PODXL: variants seen among roughly 807,000 people sequenced by gnomAD.
The protein encoded by PODXL is podocalyxin.
Under a neutral mutation model 48.9 loss-of-function variants are expected in PODXL, and 20 were observed. The ratio of observed to expected loss-of-function variants is 0.41; its 90% confidence interval spans 0.29 to 0.59. The LOEUF (loss-of-function observed/expected upper bound fraction) is 0.59, where lower values mean the gene tolerates loss of function less well. Ranked by LOEUF, PODXL falls within the 20% of genes least tolerant of loss-of-function variation. The pLI, the probability that PODXL is intolerant of heterozygous loss-of-function variation, is 0.31. For synonymous variants in PODXL, 295 were observed against 287.4 expected (o/e 1.03, Z -0.27); for missense variants, 606 against 675.1 (o/e 0.90, Z 1.13).
At chr7:131,528,860 C>G (rs570093176) in intron 1 of PODXL, among the ~76,000 whole-genome samples, 1 of 152,178 alleles carries the variant, frequency 6.6e-6, no homozygotes, top group South Asian at 2.1e-4. Flanking sequence ...TGGAGAAAGA[C>G]AGAAATAAGG....
Position 131,500,770 on chromosome 7 carries a change from A to G in PODXL, c.*3541T>C, listed in dbSNP as rs1023946841. On this transcript the variant is annotated 3_prime_UTR_variant, in exon 9 of 9. Coordinates refer to ENST00000378555, the MANE Select transcript of PODXL (RefSeq NM_001018111.3). ...TGTTCATGCCCTCCCTAGCCTTGCT[A>G]GGGTAACAACTGGGAAAGGAATTCT... The G allele has an allele frequency of 7.2e-5, 11 of 152,234 alleles. No homozygotes were observed. The highest frequency in any genetic ancestry group is 1.9e-4 in the African/African-American group (8 of 41,464). The allele number at this position is 152,234 out of a possible 1,614,324, so 9.4% of individuals were successfully genotyped here.
chr7:131,554,347 A>AGCACTTT (rs1407366555), intron 1 of PODXL, among the ~76,000 whole-genome samples: 2 of 152,198 alleles, frequency 1.3e-5, no homozygotes, highest in African/African-American at 4.8e-5. Flanking sequence ...TCCCCCACTT[A>AGCACTTT]GCACTTTGCA....
intron 1 of PODXL, among the ~76,000 whole-genome samples, chr7:131,548,840 C>T (rs1057131223): frequency 6.6e-6 from 1 of 152,166 alleles, no homozygotes; most frequent in Non-Finnish European, 1.5e-5. Context: ...AGGACCTAGG[C>T]CGGCCCCCAC....
At chr7:131,535,011 C>T (rs1161050170) in intron 1 of PODXL, among the ~76,000 whole-genome samples, 1 of 152,020 alleles carries the variant, frequency 6.6e-6, no homozygotes, top group Admixed American at 6.6e-5. Context: ...AAGATCGGGC[C>T]ACTGCACTCC....
At chr7:131,522,514 G>A (rs1413092342) in intron 1 of PODXL, among the ~76,000 whole-genome samples, 1 of 152,176 alleles carries the variant, frequency 6.6e-6, no homozygotes, top group Admixed American at 6.5e-5. Context: ...AGCAAACAAG[G>A]ATGGGCTACA....
intron 1 of PODXL, among the ~76,000 whole-genome samples, chr7:131,546,856 CT>C (rs899594612): frequency 6.6e-6 from 1 of 152,032 alleles, no homozygotes; most frequent in Non-Finnish European, 1.5e-5. Flanking sequence ...ATCTCAGTGG[CT>C]TCTTAGCTAA....
intron 1 of PODXL, among the ~76,000 whole-genome samples, chr7:131,528,356 A>G (rs943430591): frequency 2.0e-5 from 3 of 152,158 alleles, no homozygotes; most frequent in Non-Finnish European, 4.4e-5. Context: ...AGGAGAAGGG[A>G]GTATTTGAGG....
At chr7:131,537,400 A>G (rs1798392597) in intron 1 of PODXL, among the ~76,000 whole-genome samples, 1 of 152,006 alleles carries the variant, frequency 6.6e-6, no homozygotes, top group Admixed American at 6.6e-5. Context: ...AATCCTGGCC[A>G]ATATGGTGAA....
intron 1 of PODXL, among the ~76,000 whole-genome samples, chr7:131,533,069 C>T (rs941606838): frequency 5.3e-5 from 8 of 152,152 alleles, no homozygotes; most frequent in East Asian, 1.9e-4. Context: ...AGATTAATAA[C>T]GAGAACAGAG....
At position 131,509,039 on chromosome 7, in the gene PODXL, C is replaced by G. The variant is rs181808787; in HGVS notation, c.1024-11G>C. On this transcript the variant is annotated splice_polypyrimidine_tract_variant and intron_variant, in intron 4 of 8. Coordinates refer to ENST00000378555, the MANE Select transcript of PODXL (RefSeq NM_001018111.3). ...ATCCTCACACTTTGCCTGGAAGAAG[C>G]CACTGAGATTAAGGTTTGGGCTAAT... 31 of 1,607,900 alleles carry G rather than the reference C, an allele frequency of 1.9e-5. No individual in the cohort carries two copies. In the East Asian group the frequency reaches 6.7e-4, roughly 35 times the overall value.
At chr7:131,541,863 T>C (rs750953881) in intron 1 of PODXL, among the ~76,000 whole-genome samples, 1 of 152,146 alleles carries the variant, frequency 6.6e-6, no homozygotes. Context: ...CGGTTTCCTA[T>C]GGGCACCGCC....
chr7:131,513,980 T>C (rs188965349), intron 1 of PODXL, among the ~76,000 whole-genome samples: 1 of 152,346 alleles, frequency 6.6e-6, no homozygotes, highest in East Asian at 1.9e-4. Context: ...TATTAAGGAA[T>C]ACTTGCAAGT....
At chr7:131,520,828 G>A (rs1432054866) in intron 1 of PODXL, among the ~76,000 whole-genome samples, 1 of 152,240 alleles carries the variant, frequency 6.6e-6, no homozygotes, top group Non-Finnish European at 1.5e-5. Context: ...TTCAGCTAAT[G>A]AGAGCAGAGA....
intron 1 of PODXL, among the ~76,000 whole-genome samples, chr7:131,547,300 G>A (rs1480794639): frequency 6.7e-6 from 1 of 149,544 alleles, no homozygotes; most frequent in African/African-American, 2.5e-5. Context: ...TTGAACCCGG[G>A]AGGCGGAGGT....
intron 8 of PODXL, among the ~76,000 whole-genome samples, chr7:131,504,991 A>T (rs1797774580): frequency 1.3e-5 from 2 of 152,186 alleles, no homozygotes; most frequent in Non-Finnish European, 2.9e-5. Flanking sequence ...TGTCCCTCTC[A>T]AACACAACCT....
chr7:131,505,898 G>A lies in PODXL; in HGVS notation c.1449C>T (p.Cys483=). The change falls in exon 8 of 9, where the codon TGC becomes TGT. Residue 483 remains cysteine, a synonymous_variant. Coordinates refer to ENST00000378555, the MANE Select transcript of PODXL (RefSeq NM_001018111.3). ...LLLVAALYGC[C]HQRLSQRKDQ... is the part of the protein sequence containing the mutation. The stretch of plus-strand genomic sequence containing the variant: ...CCTTCCTCTGGGAGAGGCGCTGGTG[G>A]CAGCAGCCATAGAGGGCCGCCACGA... 6.4e-7 allele frequency: 1 copy of A among 1,574,344 alleles called. No homozygotes were observed. Among genetic ancestry groups the A allele is most frequent in the South Asian group, 1.2e-5 (1 of 85,982 alleles).
intron 1 of PODXL, among the ~76,000 whole-genome samples, chr7:131,548,550 G>A (rs1798619740): frequency 6.6e-6 from 1 of 152,228 alleles, no homozygotes; most frequent in Admixed American, 6.5e-5. Flanking sequence ...CTGATGGCTG[G>A]AACTCCAGCA....
intron 1 of PODXL, among the ~76,000 whole-genome samples, chr7:131,548,557 A>G (rs897026372): frequency 6.6e-6 from 1 of 152,250 alleles, no homozygotes; most frequent in African/African-American, 2.4e-5. Flanking sequence ...CTGGAACTCC[A>G]GCAGCCACCT....
chr7:131,538,665 C>T (rs73157539), intron 1 of PODXL, among the ~76,000 whole-genome samples: 246 of 152,274 alleles, frequency 1.6e-3, no homozygotes, highest in Non-Finnish European at 1.8e-3. Flanking sequence ...CGTCGCCACT[C>T]CCTGGGGCTC....
Sources: gnomAD v4.1 joint callset for allele counts (sites outside exome capture counted in the v4.1 genomes callset) on GRCh38, gnomAD v4.1.1 for gene constraint, MANE v1.5 for transcripts, NCBI Gene and HGNC (gene_info 2026-07-23, HGNC 2026-07-21) for gene names.